PCDH11Y: variants seen among roughly 807,000 people sequenced by gnomAD.
PCDH11Y encodes protocadherin-11 Y-linked.
For missense variants in PCDH11Y, 12 were observed against 224.8 expected, an observed-to-expected ratio of 0.05 and a Z score of 6.05; for synonymous variants, 9 against 83.6, an observed-to-expected ratio of 0.11 and a Z score of 4.87.
chrY:5,148,684 T>C, intron 2 of PCDH11Y, among the ~76,000 whole-genome samples: 1 of 32,962 alleles, frequency 3.0e-5, no homozygotes, highest in Admixed American at 2.8e-4. Context: ...CAACACATCA[T>C]AGATTAACCT....
intron 4 of PCDH11Y, among the ~76,000 whole-genome samples, chrY:5,696,357 A>C: frequency 9.3e-5 from 3 of 32,371 alleles, no homozygotes; most frequent in Non-Finnish European, 1.5e-4. Flanking sequence ...GCATGTGTCC[A>C]GAAATTTATC....
At chrY:5,102,624 TA>T (rs2052781632), downstream of PCDH11Y, among the ~76,000 whole-genome samples, 1 of 32,010 alleles carries the variant, frequency 3.1e-5, no homozygotes, top group South Asian at 6.9e-4. Flanking sequence ...AAAACTGAAG[TA>T]TTTTTCAAAT....
intron 1 of PCDH11Y, among the ~76,000 whole-genome samples, chrY:5,006,850 A>G (rs2052540890): frequency 5.9e-5 from 2 of 33,822 alleles, no homozygotes; most frequent in Middle Eastern, 0.014. Context: ...AAATGTGGTT[A>G]TCTTTTCTTA....
intron 4 of PCDH11Y, among the ~76,000 whole-genome samples, chrY:5,596,972 T>C: frequency 3.1e-5 from 1 of 32,037 alleles, no homozygotes; most frequent in Non-Finnish European, 7.6e-5. Flanking sequence ...CAAACAATAG[T>C]TTATTTTAGA....
At chrY:5,555,955 T>C (rs2053422769) in intron 3 of PCDH11Y, among the ~76,000 whole-genome samples, 1 of 32,601 alleles carries the variant, frequency 3.1e-5, no homozygotes, top group Non-Finnish European at 7.5e-5. Flanking sequence ...TCATCACTGA[T>C]GGGCACCTAG....
intron 2 of PCDH11Y, among the ~76,000 whole-genome samples, chrY:5,165,746 A>G: frequency 9.1e-5 from 3 of 33,045 alleles, no homozygotes; most frequent in African/African-American, 3.5e-4. Flanking sequence ...AAAGCAAGAG[A>G]AAATCAGTCA....
At position 5,296,786 on chromosome Y, in the gene PCDH11Y, G is replaced by A. The variant is rs1602900586; in HGVS notation, c.3129+196079G>A. 8.3e-4 allele frequency among the ~76,000 whole-genome samples: 26 copies of A among 31,325 alleles called. No homozygotes were observed. In the East Asian group the frequency reaches 0.013, roughly 16 times the overall value. The allele number at this position is 31,325 out of a possible 37,273, so 84.0% of individuals were successfully genotyped here. A position where few individuals can be genotyped will look rare whatever the true frequency, so the allele number is the denominator to read the frequency against. On this transcript the variant is annotated intron_variant, in intron 2 of 4. Transcript: ENST00000400457. ...GGCAATGGACTCCCTCTGGCCAAGG[G>A]CATGTCTAGAAATGCTGTCCAAGAG...
intron 2 of PCDH11Y, among the ~76,000 whole-genome samples, chrY:5,316,178 A>C: frequency 6.0e-5 from 2 of 33,226 alleles, no homozygotes; most frequent in Admixed American, 5.6e-4. Flanking sequence ...AAATACATTT[A>C]AGAAATACAT....
At chrY:5,173,719 T>C in intron 2 of PCDH11Y, among the ~76,000 whole-genome samples, 3 of 31,222 alleles carry the variant, frequency 9.6e-5, no homozygotes, top group African/African-American at 2.5e-4. Context: ...TTTATTTATT[T>C]CAATAGCTTT....
intron 4 of PCDH11Y, among the ~76,000 whole-genome samples, chrY:5,628,029 T>C: frequency 9.0e-5 from 3 of 33,278 alleles, no homozygotes; most frequent in Non-Finnish European, 2.2e-4. Flanking sequence ...ATTCATCATT[T>C]GAAAAGTGAA....
intron 2 of PCDH11Y, among the ~76,000 whole-genome samples, chrY:5,341,397 C>T: frequency 1.2e-4 from 4 of 32,843 alleles, no homozygotes; most frequent in South Asian, 6.9e-4. Context: ...CATGAGCCAC[C>T]GTGCTCAGCC....
intron 2 of PCDH11Y, among the ~76,000 whole-genome samples, chrY:5,283,006 G>A: frequency 6.0e-5 from 2 of 33,255 alleles, no homozygotes; most frequent in African/African-American, 1.2e-4. Context: ...ACAAAAAACC[G>A]ATTTTTGGAC....
chrY:5,149,839 G>T, intron 2 of PCDH11Y, among the ~76,000 whole-genome samples: 1 of 31,922 alleles, frequency 3.1e-5, no homozygotes, highest in South Asian at 7.2e-4. Flanking sequence ...CCACATCATG[G>T]AAGGCAATCT....
chrY:5,163,468 T>C, intron 2 of PCDH11Y, among the ~76,000 whole-genome samples: 2 of 32,827 alleles, frequency 6.1e-5, no homozygotes, highest in Non-Finnish European at 1.5e-4. Context: ...CTCTCTGATA[T>C]AGTTTGGATG....
chrY:5,405,935 T>C (rs2053238283), intron 2 of PCDH11Y, among the ~76,000 whole-genome samples: 2 of 32,424 alleles, frequency 6.2e-5, no homozygotes, highest in East Asian at 1.6e-3. Context: ...TTCCTACTTT[T>C]GAACAAGTTC....
At chrY:5,562,057 A>G in intron 3 of PCDH11Y, among the ~76,000 whole-genome samples, 2 of 34,004 alleles carry the variant, frequency 5.9e-5, no homozygotes, top group Non-Finnish European at 1.5e-4. Flanking sequence ...ATTTTTTCAT[A>G]TCTTTTTAGA....
intron 2 of PCDH11Y, among the ~76,000 whole-genome samples, chrY:5,131,779 G>A: frequency 3.0e-5 from 1 of 33,550 alleles, no homozygotes; most frequent in Non-Finnish European, 7.4e-5. Context: ...CTCGGAAATC[G>A]ATATATCACA....
At chrY:5,521,365 G>T in intron 3 of PCDH11Y, among the ~76,000 whole-genome samples, 1 of 31,970 alleles carries the variant, frequency 3.1e-5, no homozygotes, top group Non-Finnish European at 7.6e-5. Flanking sequence ...TAGAGACGGG[G>T]TTTTACCATG....
chrY:5,456,644 G>A (rs2053298586), intron 2 of PCDH11Y, among the ~76,000 whole-genome samples: 25 of 33,782 alleles, frequency 7.4e-4, no homozygotes, highest in African/African-American at 2.9e-3. Context: ...CTACGAATCC[G>A]TAAAAAAGGA....
Sources: allele counts gnomAD v4.1 joint callset (sites outside exome capture counted in the v4.1 genomes callset), GRCh38; gene constraint gnomAD v4.1.1; transcripts MANE v1.5; gene names NCBI Gene and HGNC (gene_info 2026-07-23, HGNC 2026-07-21).